Variants in RADIL observed in about 807,000 individuals in gnomAD.
RADIL encodes the protein ras-associating and dilute domain-containing protein.
RADIL carries 99 observed loss-of-function variants against 97.6 expected under a neutral mutation model. The ratio of observed to expected loss-of-function variants is 1.01; its 90% confidence interval spans 0.86 to 1.20. The LOEUF (loss-of-function observed/expected upper bound fraction) is 1.20. Ranked by LOEUF, RADIL falls within the 50% of genes most tolerant of loss-of-function variation. The pLI is 0.00. For synonymous variants in RADIL, 803 were observed against 691.8 expected, an observed-to-expected ratio of 1.16 and a Z score of -2.52; for missense variants, 1,765 against 1,498.9, an observed-to-expected ratio of 1.18 and a Z score of -2.93.
At chr7:4,803,800 C>A in intron 10 of RADIL, 46 bp from the exon 11 acceptor site, 1 of 1,509,184 alleles carries the variant, frequency 6.6e-7, no homozygotes, top group South Asian at 1.2e-5. Context: ...GAGAAGCTGC[C>A]TCCCTCGCCA....
intron 2 of RADIL, chr7:4,859,004 C>T (rs181339611): frequency 1.3e-5 from 2 of 152,154 alleles, no homozygotes; most frequent in Non-Finnish European, 2.9e-5. Context: ...AACAGTTCTA[C>T]AGATTAAAAC....
In RADIL at chr7:4,873,392, A is replaced by G. The variant is rs1054819512; in HGVS notation, c.535+4213T>C. ...GACACACACACATGGTCACACGTGC[A>G]CATCACATCACCACATGCACAGGCC... On this transcript the variant is annotated intron_variant, in intron 2 of 14. Transcript: ENST00000399583. The surrounding 1 kb of genome is among the most constrained non-coding windows in gnomAD (Gnocchi z 4.3). 5.9e-5 allele frequency among the ~76,000 whole-genome samples: 9 copies of G among 152,196 alleles called. No homozygotes were observed. The highest frequency in any genetic ancestry group is 1.2e-4 in the Non-Finnish European group (8 of 68,038).
chr7:4,827,832 C>T (rs780712680), intron 5 of RADIL, among the ~76,000 whole-genome samples: 5 of 151,916 alleles, frequency 3.3e-5, no homozygotes, highest in African/African-American at 7.3e-5. Context: ...AACTAAGAAA[C>T]GGAGAAAGCT....
At chr7:4,809,191 C>A (rs1397062601) in intron 9 of RADIL, 33 of 985,170 alleles carry the variant, frequency 3.3e-5, no homozygotes, top group African/African-American at 5.2e-5. Context: ...CCCGCCTCCC[C>A]GGGCTGTCAC....
intron 2 of RADIL, among the ~76,000 whole-genome samples, chr7:4,871,320 C>G (rs1461884193): frequency 6.6e-6 from 1 of 152,210 alleles, no homozygotes; most frequent in African/African-American, 2.4e-5. Flanking sequence ...CAAATGAAAA[C>G]AACCACAAAG....
At chr7:4,863,854 C>G (rs1368573624) in intron 2 of RADIL, among the ~76,000 whole-genome samples, 1 of 152,212 alleles carries the variant, frequency 6.6e-6, no homozygotes, top group Non-Finnish European at 1.5e-5. Context: ...AGCTGCTAAA[C>G]TTAAGTTTCT....
chr7:4,817,452 C>G lies in RADIL; in HGVS notation c.1616-101G>C. 9.9e-7 allele frequency: 1 copy of G among 1,006,274 alleles called. No individual in the cohort carries two copies. Among genetic ancestry groups the G allele is most frequent in the Non-Finnish European group, 1.5e-6 (1 of 687,752 alleles). 62.3% of individuals were successfully genotyped at this position (1,006,274 alleles called of 1,614,324 possible). ...CTCTTTCCCTGGCGCGGGCACCACCCAACGCGCCCATCTGGGGTCCAGATG... is the reference window on the plus strand; with the variant it reads ...CTCTTTCCCTGGCGCGGGCACCACCGAACGCGCCCATCTGGGGTCCAGATG... On this transcript the variant is annotated intron_variant, in intron 6 of 14. Transcript: ENST00000399583. The surrounding 1 kb of genome is among the most constrained non-coding windows in gnomAD (Gnocchi z 8.3).
chr7:4,802,303 C>T (rs1782116396), intron 11 of RADIL, among the ~76,000 whole-genome samples: 1 of 149,846 alleles, frequency 6.7e-6, no homozygotes, highest in Non-Finnish European at 1.5e-5. Flanking sequence ...GGGGCCCCCT[C>T]CCCAGGTACC....
At chr7:4,831,543 AAAAT>A (rs1178569579) in intron 5 of RADIL, among the ~76,000 whole-genome samples, 3 of 151,234 alleles carry the variant, frequency 2.0e-5, no homozygotes, top group Non-Finnish European at 4.4e-5. Context: ...ATAAAAGTGG[AAAAT>A]AAATAAACTA....
At position 4,837,568 on chromosome 7, in the gene RADIL, T is replaced by A. The variant is rs186760995; in HGVS notation, c.536-963A>T. On this transcript the variant is annotated intron_variant, in intron 2 of 14. Transcript: ENST00000399583. The surrounding 1 kb of genome is among the most constrained non-coding windows in gnomAD (Gnocchi z 5.6). Reference sequence around the variant, plus strand: ...ACACAAACACACGTGTGCATACACATGCCCACAAATACACATGCACCCACA... The same window carrying A: ...ACACAAACACACGTGTGCATACACAAGCCCACAAATACACATGCACCCACA... Among the ~76,000 whole-genome samples, 46 of 152,034 alleles carry A rather than the reference T, an allele frequency of 3.0e-4. No homozygotes were observed. Among genetic ancestry groups the A allele is most frequent in the Admixed American group, 2.8e-3 (43 of 15,280 alleles).
At position 4,845,622 on chromosome 7, in the gene RADIL, A is replaced by C. The variant is rs748045418; in HGVS notation, c.536-9017T>G. ...TCTCTATACTTTCACTTACTTTCCAAATTTTCGGCAAAATGAGAGGTTCCA... is the reference window on the plus strand; with the variant it reads ...TCTCTATACTTTCACTTACTTTCCACATTTTCGGCAAAATGAGAGGTTCCA... On this transcript the variant is annotated intron_variant, in intron 2 of 14. Coordinates refer to ENST00000399583, the MANE Select transcript of RADIL (RefSeq NM_018059.5). Among the ~76,000 whole-genome samples, 9 of 152,052 alleles carry C rather than the reference A, an allele frequency of 5.9e-5. 1 individual carries two copies. Among genetic ancestry groups the C allele is most frequent in the South Asian group, 4.1e-4 (2 of 4,822 alleles).
At chr7:4,828,439 C>A (rs1300998728) in intron 5 of RADIL, among the ~76,000 whole-genome samples, 1 of 152,192 alleles carries the variant, frequency 6.6e-6, no homozygotes, top group African/African-American at 2.4e-5. Context: ...GCCTGGGTGA[C>A]AGAATGAGAC....
In RADIL at chr7:4,847,821, G is replaced by A. The variant is rs1783612690; in HGVS notation, c.536-11216C>T. Reference sequence around the variant, plus strand: ...TATCTGGAAAAAGCAAATGTATAGAGCCAGAAAACTGATCAGGGGCTGCCT... The same window carrying A: ...TATCTGGAAAAAGCAAATGTATAGAACCAGAAAACTGATCAGGGGCTGCCT... On this transcript the variant is annotated intron_variant, in intron 2 of 14. Coordinates refer to ENST00000399583, the MANE Select transcript of RADIL (RefSeq NM_018059.5). Among the ~76,000 whole-genome samples the A allele has an allele frequency of 1.4e-5, 2 of 146,180 alleles. 1 individual carries two copies. Among genetic ancestry groups the A allele is most frequent in the Admixed American group, 1.4e-4 (2 of 14,510 alleles).
intron 3 of RADIL, 21 bp downstream of exon 3, chr7:4,836,337 G>A (rs769520742): frequency 1.3e-6 from 2 of 1,563,854 alleles, no homozygotes; most frequent in East Asian, 2.4e-5. Context: ...CGGGCAGTGG[G>A]TGTCAGGAGG....
intron 1 of RADIL, among the ~76,000 whole-genome samples, chr7:4,881,276 G>A (rs535090914): frequency 4.2e-4 from 63 of 150,336 alleles, no homozygotes; most frequent in Non-Finnish European, 7.5e-4. Context: ...TTAGCCAGGC[G>A]TGGTGGTGGG....
At chr7:4,838,066 C>T (rs1286242487) in intron 2 of RADIL, 1 of 985,224 alleles carries the variant, frequency 1.0e-6, no homozygotes, top group East Asian at 1.1e-4. Flanking sequence ...CTGCAGCCCG[C>T]AGGGGGCCAG....
Position 4,877,702 on chromosome 7 carries a change from T to A in RADIL, c.438A>T (p.Leu146Phe). The change falls in exon 2 of 15, where the codon TTA (leucine) becomes TTT (phenylalanine). Residue 146 changes from leucine to phenylalanine, a missense_variant. Leu to Phe is a conservative substitution (Grantham distance 22). Transcript: ENST00000399583. ...DSEKPLLIQE[L>F]WKPREGLSRR... is the part of the protein sequence containing the mutation. ...GGGATAAACCTTCTCGGGGTTTCCATAATTCCTGGATCAAGAGGGGCTTCT... is the reference window on the plus strand; with the variant it reads ...GGGATAAACCTTCTCGGGGTTTCCAAAATTCCTGGATCAAGAGGGGCTTCT... 10 of 1,614,152 alleles carry A rather than the reference T, an allele frequency of 6.2e-6. No homozygotes were observed. The highest frequency in any genetic ancestry group is 7.6e-6 in the Non-Finnish European group (9 of 1,180,022).
At chr7:4,828,570 T>G (rs1190512214) in intron 5 of RADIL, among the ~76,000 whole-genome samples, 1 of 152,174 alleles carries the variant, frequency 6.6e-6, no homozygotes, top group Non-Finnish European at 1.5e-5. Context: ...TCATTCACAA[T>G]TTGAAACACA....
chr7:4,832,848 T>G (rs1583292044), intron 4 of RADIL, among the ~76,000 whole-genome samples: 1 of 152,154 alleles, frequency 6.6e-6, no homozygotes. Flanking sequence ...GCGTGTATAT[T>G]TGGTAAGGAA....
Sources: allele counts gnomAD v4.1 joint callset (sites outside exome capture counted in the v4.1 genomes callset), GRCh38; gene constraint gnomAD v4.1.1; non-coding constraint Gnocchi (gnomAD v3.1); transcripts MANE v1.5; gene names NCBI Gene and HGNC (gene_info 2026-07-23, HGNC 2026-07-21).